The following ZFYVE9 variants were observed in gnomAD, a reference collection of about 807,000 sequenced individuals.
ZFYVE9 encodes the protein zinc finger FYVE-type containing 9.
In ZFYVE9, 43 loss-of-function variants were observed where a neutral mutation model predicts 126.7. That is an observed-to-expected ratio of 0.34 (90% CI 0.27 to 0.44). ZFYVE9 has a LOEUF of 0.44. Ranked by LOEUF, ZFYVE9 falls within the 20% of genes least tolerant of loss-of-function variation. ZFYVE9 has a pLI of 1.00. For missense variants in ZFYVE9, 1,476 were observed against 1,697.0 expected, an observed-to-expected ratio of 0.87 and a Z score of 2.29; for synonymous variants, 521 against 597.4, an observed-to-expected ratio of 0.87 and a Z score of 1.87.
chr1:52,301,158 C>A (rs909582006), intron 12 of ZFYVE9, among the ~76,000 whole-genome samples: 1 of 151,864 alleles, frequency 6.6e-6, no homozygotes, highest in African/African-American at 2.4e-5. Context: ...CCATGCTCAG[C>A]CCGAGTTTTC....
chr1:52,290,663 C>CT (rs1381900830), intron 10 of ZFYVE9, among the ~76,000 whole-genome samples: 1 of 152,034 alleles, frequency 6.6e-6, no homozygotes, highest in Non-Finnish European at 1.5e-5. Context: ...CCTAAAGTTC[C>CT]TGACACTCTA....
chr1:52,303,970 A>C (rs1646058907), intron 13 of ZFYVE9, 45 bp downstream of exon 13: 13 of 1,361,380 alleles, frequency 9.5e-6, no homozygotes, highest in Non-Finnish European at 1.2e-5. Context: ...TGAAAACATG[A>C]GTGAAGGTGA....
intron 1 of ZFYVE9, among the ~76,000 whole-genome samples, chr1:52,205,740 A>G (rs1644972594): frequency 6.6e-6 from 1 of 152,104 alleles, no homozygotes; most frequent in South Asian, 2.1e-4. Flanking sequence ...TTGTTCGGAT[A>G]GAATAGTGAC....
intron 4 of ZFYVE9, among the ~76,000 whole-genome samples, chr1:52,243,007 A>G (rs1394841928): frequency 6.6e-6 from 1 of 152,188 alleles, no homozygotes; most frequent in Non-Finnish European, 1.5e-5. Context: ...TTTGTTCCCC[A>G]TTAGGCTGTA....
At chr1:52,224,889 G>C (rs748915425) in intron 2 of ZFYVE9, among the ~76,000 whole-genome samples, 15 of 152,072 alleles carry the variant, frequency 9.9e-5, no homozygotes, top group Non-Finnish European at 2.1e-4. Flanking sequence ...TCCCACTGGA[G>C]GTTTCTTGCA....
chr1:52,338,042 A>G, intron 16 of ZFYVE9, 108 bp downstream of exon 16: 1 of 1,351,900 alleles, frequency 7.4e-7, no homozygotes, highest in South Asian at 1.6e-5. Flanking sequence ...AGCCCTGCCT[A>G]AGAGAAAGAC....
chr1:52,336,061 G>T (rs1183196911), intron 15 of ZFYVE9, among the ~76,000 whole-genome samples: 2 of 151,996 alleles, frequency 1.3e-5, no homozygotes, highest in African/African-American at 4.8e-5. Context: ...TTGAACCTGG[G>T]AAGCAGAGGT....
At chr1:52,172,065 A>T (rs965244320) in intron 1 of ZFYVE9, among the ~76,000 whole-genome samples, 1 of 152,082 alleles carries the variant, frequency 6.6e-6, no homozygotes, top group Non-Finnish European at 1.5e-5. Context: ...TTAGACATGA[A>T]GTCCTTGCCC....
chr1:52,295,901 C>A lies in ZFYVE9; in HGVS notation c.3257C>A (p.Pro1086Gln). 6.2e-7 allele frequency: 1 copy of A among 1,612,998 alleles called. No homozygotes were observed. Among genetic ancestry groups the A allele is most frequent in the Non-Finnish European group, 8.5e-7 (1 of 1,179,518 alleles). Residue 1086 changes from proline (P) to glutamine (Q), a missense_variant, in exon 12 of 19, where the codon CCA becomes CAA. Around this residue, in one of 2 missense-constraint regions of ZFYVE9, gnomAD observed 669 missense variants for 902.4 expected, o/e 0.74. Coordinates refer to ENST00000287727, the MANE Select transcript of ZFYVE9 (RefSeq NM_004799.4). ...LRLGAEYRLYPCPLFSVRFRK... is the reference protein window; with the variant it reads ...LRLGAEYRLYQCPLFSVRFRK... ...TCATTTCTCATTTCCATAGTTTATCCATGCCCACTATTCAGTGTCAGATTT... is the reference window on the plus strand; with the variant it reads ...TCATTTCTCATTTCCATAGTTTATCAATGCCCACTATTCAGTGTCAGATTT...
At chr1:52,239,702 C>G in intron 4 of ZFYVE9, 107 bp downstream of exon 4, 1 of 1,271,430 alleles carries the variant, frequency 7.9e-7, no homozygotes, top group South Asian at 1.8e-5. Context: ...TTGAGTTGAC[C>G]TAAATAGCAT....
At chr1:52,166,247 G>A (rs572014768) in intron 1 of ZFYVE9, among the ~76,000 whole-genome samples, 107 of 152,156 alleles carry the variant, frequency 7.0e-4, no homozygotes, top group Admixed American at 2.6e-3. Flanking sequence ...TTGCTAAGGT[G>A]CAAGCAGTTC....
intron 1 of ZFYVE9, among the ~76,000 whole-genome samples, chr1:52,156,007 C>G (rs907389897): frequency 1.3e-5 from 2 of 152,164 alleles, no homozygotes; most frequent in African/African-American, 4.8e-5. Flanking sequence ...ATGCTAGCCA[C>G]CTCTTGCTCA....
intron 16 of ZFYVE9, 60 bp from the exon 17 acceptor site, chr1:52,340,066 G>A: frequency 1.4e-6 from 2 of 1,414,992 alleles, no homozygotes; most frequent in South Asian, 1.2e-5. Flanking sequence ...AAACGTGATA[G>A]GAAAAATGGC....
chr1:52,315,657 A>C (rs1037455253), intron 13 of ZFYVE9, among the ~76,000 whole-genome samples: 2 of 152,216 alleles, frequency 1.3e-5, no homozygotes, highest in African/African-American at 2.4e-5. Flanking sequence ...TCTAATCAAC[A>C]AAAATAATAA....
At chr1:52,307,852 C>T (rs906712424) in intron 13 of ZFYVE9, among the ~76,000 whole-genome samples, 5 of 151,338 alleles carry the variant, frequency 3.3e-5, no homozygotes, top group African/African-American at 4.9e-5. Flanking sequence ...CCCGGGTTCA[C>T]GCCATTCTCT....
rs188278166 is a variant in ZFYVE9, at chr1:52,253,865, A to T, written c.2179-9908A>T. On this transcript the variant is annotated intron_variant, in intron 4 of 18. Coordinates refer to ENST00000287727, the MANE Select transcript of ZFYVE9 (RefSeq NM_004799.4). ...GTTAAGACATTATATATTTATGCAG[A>T]CTACAAATCTGATGAAAGCTATACT... The T allele has an allele frequency of 5.6e-4, 708 of 1,258,120 alleles. 8 individuals are homozygous for T. In the East Asian group the frequency reaches 0.014, roughly 25 times the overall value. 77.9% of individuals were successfully genotyped at this position (1,258,120 alleles called of 1,614,324 possible).
chr1:52,171,286 G>A (rs1343473307), intron 1 of ZFYVE9, among the ~76,000 whole-genome samples: 1 of 152,078 alleles, frequency 6.6e-6, no homozygotes, highest in Non-Finnish European at 1.5e-5. Context: ...TACTGAGAAT[G>A]ATGATTTCCA....
At chr1:52,175,499 C>A (rs968869647) in intron 1 of ZFYVE9, among the ~76,000 whole-genome samples, 1 of 148,582 alleles carries the variant, frequency 6.7e-6, no homozygotes, top group Non-Finnish European at 1.5e-5. Context: ...TTGCTCTTCT[C>A]GAGGAGTATC....
chr1:52,192,751 AAG>A (rs1382077659), intron 1 of ZFYVE9, among the ~76,000 whole-genome samples: 1 of 152,210 alleles, frequency 6.6e-6, no homozygotes, highest in Non-Finnish European at 1.5e-5. Context: ...AAAATGGACA[AAG>A]AATTTGAACA....
Sources: gnomAD v4.1 joint callset for allele counts (sites outside exome capture counted in the v4.1 genomes callset) on GRCh38, gnomAD v4.1.1 for gene constraint, gnomAD v4.1.1 regional missense constraint, MANE v1.5 for transcripts, NCBI Gene and HGNC (gene_info 2026-07-23, HGNC 2026-07-21) for gene names.